Variants in CHRDL1 observed in about 807,000 individuals in gnomAD.
CHRDL1 encodes chordin-like protein 1.
Under a neutral mutation model 40.9 loss-of-function variants are expected in CHRDL1, and 19 were observed. The observed-to-expected ratio is 0.46, with a 90% CI of 0.32 to 0.68. CHRDL1 has a LOEUF of 0.68. CHRDL1 is among the 30% of genes least tolerant of loss of function. The pLI, the probability that CHRDL1 is intolerant of heterozygous loss-of-function variation, is 0.03. For synonymous variants in CHRDL1, 136 were observed against 123.4 expected, an observed-to-expected ratio of 1.10 and a Z score of -0.68; for missense variants, 329 against 352.1, an observed-to-expected ratio of 0.93 and a Z score of 0.53.
intron 6 of CHRDL1, among the ~76,000 whole-genome samples, chrX:110,712,452 G>C (rs774080896): frequency 1.8e-5 from 2 of 112,053 alleles, no homozygotes; most frequent in East Asian, 5.6e-4. Context: ...GTTGGTGTCA[G>C]AGAAATGAGG....
At position 110,719,847 on chromosome X, in the gene CHRDL1, G is replaced by C; in HGVS notation, c.529C>G (p.Arg177Gly). The change falls in exon 6 of 12, where the codon CGG becomes GGG. Residue 177 changes from arginine to glycine, a missense_variant. Coordinates refer to ENST00000372042, the MANE Select transcript of CHRDL1 (RefSeq NM_001143981.2). ...FPVSVPDSCC[R>G]VCRGDGELSW... is the part of the protein sequence containing the mutation. Reference sequence around the variant, plus strand: ...ATAACACACCTACCTCTGCATACCCGGCAGCAGGAATCTGGAACAGAGACT... The same window carrying C: ...ATAACACACCTACCTCTGCATACCCCGCAGCAGGAATCTGGAACAGAGACT... 8 of 1,200,457 alleles carry C rather than the reference G, an allele frequency of 6.7e-6. No homozygotes were observed. Among genetic ancestry groups the C allele is most frequent in the Non-Finnish European group, 9.0e-6 (8 of 885,946 alleles).
Position 110,675,186 on chromosome X carries a change from TTAATA to T in CHRDL1, c.*1040_*1044del, listed in dbSNP as rs1467324563. ...TAAAGAGCTTCTAGAATTTACTAAT[TTAATA>T]TAATTTTTCTGACCAGACAACTATG... On this transcript the variant is annotated 3_prime_UTR_variant, in exon 12 of 12. Transcript: ENST00000372042. The T allele has an allele frequency of 8.9e-6, 1 of 111,913 alleles. No homozygotes were observed. The highest frequency in any genetic ancestry group is 3.2e-5 in the African/African-American group (1 of 30,819). The allele number at this position is 111,913 out of a possible 1,213,427, so 9.2% of individuals were successfully genotyped here.
Position 110,792,100 on chromosome X carries a change from C to T in CHRDL1, c.82G>A (p.Glu28Lys). The T allele has an allele frequency of 8.6e-7, 1 of 1,157,611 alleles. No homozygotes were observed. The highest frequency in any genetic ancestry group is 1.2e-6 in the Non-Finnish European group (1 of 852,257). ...GCAAGACACTTACGTTTTACTTGCT[C>T]TGTTTTGCCTCCTTCTAGCAAAAGA... ...FFLLLEGGKT[E>K]QVKHSETYCM... The change falls in exon 2 of 12, where the codon GAG becomes AAG. Residue 28 changes from glutamate (E) to lysine (K), a missense_variant. Transcript: ENST00000372042.
At chrX:110,741,501 G>C in intron 4 of CHRDL1, among the ~76,000 whole-genome samples, 1 of 111,043 alleles carries the variant, frequency 9.0e-6, no homozygotes, top group Middle Eastern at 4.7e-3. Context: ...CACAGTGCAA[G>C]CAGGCAGGCC....
chrX:110,791,727 C>CT (rs770859451), intron 2 of CHRDL1, among the ~76,000 whole-genome samples: 1 of 111,603 alleles, frequency 9.0e-6, no homozygotes, highest in South Asian at 3.8e-4. Flanking sequence ...AACTGAAAGC[C>CT]TTTGCTGAAG....
At chrX:110,728,089 C>T (rs2071089812) in intron 4 of CHRDL1, among the ~76,000 whole-genome samples, 2 of 110,241 alleles carry the variant, frequency 1.8e-5, no homozygotes, top group South Asian at 3.8e-4. Context: ...CAATAGACTA[C>T]CTTTTATGTA....
intron 2 of CHRDL1, among the ~76,000 whole-genome samples, chrX:110,790,927 C>T (rs1564476): frequency 0.028 from 2,945 of 105,278 alleles, 104 homozygotes; most frequent in African/African-American, 0.097. Flanking sequence ...CACCATACAC[C>T]GCTCATGCTC....
chrX:110,689,701 A>C (rs867359709), intron 8 of CHRDL1, among the ~76,000 whole-genome samples: 1 of 42,587 alleles, frequency 2.3e-5, no homozygotes, highest in East Asian at 3.8e-4. Flanking sequence ...CTATATATCT[A>C]TATATCTATA....
chrX:110,715,474 T>G (rs1448506335), intron 6 of CHRDL1, among the ~76,000 whole-genome samples: 2 of 111,827 alleles, frequency 1.8e-5, no homozygotes. Flanking sequence ...TCTCAGTTAA[T>G]CTACACAACC....
chrX:110,749,320 T>C (rs970840332), intron 4 of CHRDL1, among the ~76,000 whole-genome samples: 1 of 111,098 alleles, frequency 9.0e-6, no homozygotes. Flanking sequence ...TAACCTCAAC[T>C]CCCAAGTTTG....
In CHRDL1 at chrX:110,688,763, G is replaced by A. The variant is rs749243929; in HGVS notation, c.819C>T (p.Ser273=). 1.1e-5 allele frequency: 13 copies of A among 1,208,752 alleles called. 1 individual carries two copies. In the South Asian group the frequency reaches 1.8e-4, roughly 16 times the overall value. Residue 273 remains serine, a synonymous_variant, in exon 9 of 12, where the codon TCC becomes TCT. Coordinates refer to ENST00000372042, the MANE Select transcript of CHRDL1 (RefSeq NM_001143981.2). ...SNGKTYSHGE[S]WHPNLRAFGI... ...CAAATGCCCGGAGGTTTGGGTGCCA[G>A]GACTCGCCATGAGAATAGGTCTTTC... is the stretch of plus-strand genomic sequence containing the variant.
chrX:110,724,688 T>C (rs1421955834), intron 4 of CHRDL1, among the ~76,000 whole-genome samples: 2 of 110,654 alleles, frequency 1.8e-5, no homozygotes, highest in African/African-American at 6.6e-5. Flanking sequence ...GAATGGGTGT[T>C]AAAGCTTCAG....
intron 2 of CHRDL1, among the ~76,000 whole-genome samples, chrX:110,789,738 T>C (rs1287567252): frequency 8.9e-6 from 1 of 112,078 alleles, no homozygotes; most frequent in Non-Finnish European, 1.9e-5. Context: ...GAAAGTAGTT[T>C]GGAAGATCAC....
chrX:110,795,309 G>A (rs2090162988), intron 1 of CHRDL1, among the ~76,000 whole-genome samples: 1 of 111,695 alleles, frequency 9.0e-6, no homozygotes, highest in South Asian at 3.8e-4. Context: ...GATGGCCAGA[G>A]GATAGGATAG....
At chrX:110,728,698 A>G (rs2071101620) in intron 4 of CHRDL1, among the ~76,000 whole-genome samples, 1 of 112,295 alleles carries the variant, frequency 8.9e-6, no homozygotes, top group South Asian at 3.7e-4. Context: ...TAGACAAATA[A>G]GGTTGCTAGT....
At position 110,778,300 on chromosome X, in the gene CHRDL1, C is replaced by T. The variant is rs1602416009; in HGVS notation, c.94+13788G>A. ...GCTTCTGCACAGCAAAAGAAAGCAT[C>T]CACAGAGTAAACAGATAGCCTACAG... On this transcript the variant is annotated intron_variant, in intron 2 of 11. Coordinates refer to ENST00000372042, the MANE Select transcript of CHRDL1 (RefSeq NM_001143981.2). Among the ~76,000 whole-genome samples, 5 of 112,007 alleles carry T rather than the reference C, an allele frequency of 4.5e-5. 1 individual carries two copies. Among genetic ancestry groups the T allele is most frequent in the South Asian group, 7.3e-4 (2 of 2,727 alleles).
At chrX:110,710,857 C>G (rs1483141485) in intron 6 of CHRDL1, among the ~76,000 whole-genome samples, 1 of 111,457 alleles carries the variant, frequency 9.0e-6, no homozygotes, top group Admixed American at 9.6e-5. Context: ...TTATTAATGA[C>G]AGCGAGACTC....
Position 110,676,027 on chromosome X carries a change from CT to C in CHRDL1, c.*203del. 1 of 316,826 alleles carries C rather than the reference CT, an allele frequency of 3.2e-6. No homozygotes were observed. Among genetic ancestry groups the C allele is most frequent in the Non-Finnish European group, 5.5e-6 (1 of 182,585 alleles). The allele number at this position is 316,826 out of a possible 1,213,427, so 26.1% of individuals were successfully genotyped here. On this transcript the variant is annotated 3_prime_UTR_variant, in exon 12 of 12. Coordinates refer to ENST00000372042, the MANE Select transcript of CHRDL1 (RefSeq NM_001143981.2). ...TCCTCCTCCCACATATAATTTAAGA[CT>C]CTTCTAGTCTCTTTGGAGGAGATGT...
At chrX:110,676,837 A>G (rs5943044) in intron 11 of CHRDL1, among the ~76,000 whole-genome samples, 49,045 of 109,404 alleles carry the variant, frequency 0.45, 9,135 homozygotes, top group African/African-American at 0.66. Flanking sequence ...ATTTGATTAT[A>G]TATCACTCTT....
Sources: gnomAD v4.1 joint callset for allele counts (sites outside exome capture counted in the v4.1 genomes callset) on GRCh38, gnomAD v4.1.1 for gene constraint, MANE v1.5 for transcripts, NCBI Gene and HGNC (gene_info 2026-07-23, HGNC 2026-07-21) for gene names.